Variants in TEX52 observed in about 807,000 individuals in gnomAD.
The protein encoded by TEX52 is testis expressed 52, also known as testis-expressed protein 52.
In TEX52, 22 loss-of-function variants were observed where a neutral mutation model predicts 17.6. The ratio of observed to expected loss-of-function variants is 1.25; its 90% CI spans 0.89 to 1.78. The LOEUF is 1.78. Ranked by LOEUF, TEX52 falls within the 40% of genes most tolerant of loss-of-function variation. The probability of loss-of-function intolerance (pLI) is 0.00; values close to 1 mark genes in which losing one functional copy is unlikely to be tolerated. For missense variants in TEX52, 396 were observed against 372.3 expected, an observed-to-expected ratio of 1.06 and a Z score of -0.52; for synonymous variants, 168 against 147.4, an observed-to-expected ratio of 1.14 and a Z score of -1.01.
In TEX52 at chr12:2,855,115, G is replaced by GT. The variant is rs2098083189; in HGVS notation, c.403dup (p.Thr135AsnfsTer54). On this transcript the variant is annotated frameshift_variant, in exon 2 of 3. Transcript: ENST00000637658. LOFTEE classifies it high-confidence loss of function. The stretch of plus-strand genomic sequence containing the variant: ...GGAGGGAGGGGGGATGGGGTGCTCC[G>GT]TGGGGGGGCATCTGTGGGCATTGGA... 6.5e-7 allele frequency: 1 copy of GT among 1,534,096 alleles called. No homozygotes were observed. Among genetic ancestry groups the GT allele is most frequent in the South Asian group, 1.2e-5 (1 of 83,940 alleles).
chr12:2,850,503 C>T (rs184028779), intron 2 of TEX52, among the ~76,000 whole-genome samples: 11 of 151,264 alleles, frequency 7.3e-5, no homozygotes, highest in Non-Finnish European at 1.6e-4. Flanking sequence ...AAATGGGGCC[C>T]CAGGTCATGA....
At chr12:2,856,378 T>C (rs2098087315) in intron 1 of TEX52, among the ~76,000 whole-genome samples, 1 of 152,204 alleles carries the variant, frequency 6.6e-6, no homozygotes, top group Admixed American at 6.5e-5. Context: ...ATGTTTTCTT[T>C]TTTTAGATGG....
At chr12:2,848,726 G>C (rs1006189200), downstream of TEX52, among the ~76,000 whole-genome samples, 8 of 152,144 alleles carry the variant, frequency 5.3e-5, no homozygotes, top group Admixed American at 2.0e-4. Context: ...GTCCAGGGAG[G>C]GGGTGGCATT....
chr12:2,853,708 T>C lies in TEX52; in HGVS notation c.623+1188A>G, dbSNP rs2098078579. Among the ~76,000 whole-genome samples the C allele has an allele frequency of 3.3e-5, 5 of 152,322 alleles. No individual in the cohort carries two copies. The South Asian group carries it at 1.0e-3, about 32-fold the overall frequency. ...TGGAATTTGAGACATTCCTTTTCATTGCCTTCCCCCTTTCTTGTTACTCTT... is the reference window on the plus strand; with the variant it reads ...TGGAATTTGAGACATTCCTTTTCATCGCCTTCCCCCTTTCTTGTTACTCTT... On this transcript the variant is annotated intron_variant, in intron 2 of 2. Coordinates refer to ENST00000637658, the MANE Select transcript of TEX52 (RefSeq NM_001365174.2).
chr12:2,852,810 C>T lies in TEX52; in HGVS notation c.623+2086G>A, dbSNP rs558273731. Among the ~76,000 whole-genome samples, 14 of 152,098 alleles carry T rather than the reference C, an allele frequency of 9.2e-5. No individual in the cohort carries two copies. The South Asian group carries it at 2.9e-3, about 32-fold the overall frequency. On this transcript the variant is annotated intron_variant, in intron 2 of 2. Transcript: ENST00000637658. ...GTCGGGAGTTCAAGACTAGCCTGGC[C>T]AACATGGAGAAACCCCGTCTCTACT...
intron 1 of TEX52, among the ~76,000 whole-genome samples, chr12:2,856,245 G>C (rs887892204): frequency 1.3e-5 from 2 of 152,306 alleles, no homozygotes; most frequent in South Asian, 2.1e-4. Context: ...TAAGCCCTCT[G>C]TCTGTGCTCT....
At position 2,849,212 on chromosome 12, in the gene TEX52, G is replaced by T. The variant is rs757688746; in HGVS notation, c.*19C>A. The stretch of plus-strand genomic sequence containing the variant: ...GCCTGGGGCTCTGGGTATCACGATC[G>T]TCCCCTCTGGAAGCCCTTCTAGAAG... On this transcript the variant is annotated 3_prime_UTR_variant, in exon 3 of 3. Transcript: ENST00000637658. 3.9e-6 allele frequency: 6 copies of T among 1,526,778 alleles called. No individual in the cohort carries two copies. In the East Asian group the frequency reaches 1.2e-4, roughly 31 times the overall value. 94.6% of individuals were successfully genotyped at this position (1,526,778 alleles called of 1,614,324 possible). A position where few individuals can be genotyped will look rare whatever the true frequency, so the allele number is the denominator to read the frequency against.
chr12:2,849,287 C>T lies in TEX52; in HGVS notation c.862G>A (p.Ala288Thr). The part of the protein sequence containing the change: ...TALPLHHLSK[A>T]QASKSPARKR... The stretch of plus-strand genomic sequence containing the variant: ...CTTGCTGGGGATTTGCTTGCTTGTG[C>T]CTTGGAGAGATGGTGGAGGGGTAAG... Residue 288 changes from alanine (A) to threonine (T), a missense_variant, in exon 3 of 3, where the codon GCA becomes ACA. Ala to Thr is a moderately conservative substitution (Grantham distance 58, BLOSUM62 0). Coordinates refer to ENST00000637658, the MANE Select transcript of TEX52 (RefSeq NM_001365174.2). 6.5e-7 allele frequency: 1 copy of T among 1,536,070 alleles called. No homozygotes were observed. Among genetic ancestry groups the T allele is most frequent in the Non-Finnish European group, 8.7e-7 (1 of 1,146,918 alleles).
intron 2 of TEX52, among the ~76,000 whole-genome samples, chr12:2,853,413 C>T (rs888789101): frequency 6.6e-6 from 1 of 152,120 alleles, no homozygotes; most frequent in African/African-American, 2.4e-5. Flanking sequence ...GCTGGGATTA[C>T]AGGCGCCTGC....
chr12:2,852,826 C>T (rs1362427377), intron 2 of TEX52, among the ~76,000 whole-genome samples: 3 of 151,870 alleles, frequency 2.0e-5, no homozygotes, highest in Admixed American at 6.6e-5. Flanking sequence ...GGAGAAACCC[C>T]GTCTCTACTA....
At position 2,854,840 on chromosome 12, in the gene TEX52, A is replaced by C. The variant is rs2098082133; in HGVS notation, c.623+56T>G. 3.4e-6 allele frequency: 5 copies of C among 1,460,398 alleles called. No individual in the cohort carries two copies. The South Asian group carries it at 6.8e-5, about 20-fold the overall frequency. The allele number at this position is 1,460,398 out of a possible 1,614,324, so 90.5% of individuals were successfully genotyped here. A position where few individuals can be genotyped will look rare whatever the true frequency, so the allele number is the denominator to read the frequency against. ...TTAGAAACAGGAACCTGAGAGAGGG[A>C]GGGGTCACCTGGGCAGGGCAGGCTG... On this transcript the variant is annotated intron_variant, in intron 2 of 2. Coordinates refer to ENST00000637658, the MANE Select transcript of TEX52 (RefSeq NM_001365174.2).
chr12:2,856,129 A>C (rs1359229699), intron 1 of TEX52, among the ~76,000 whole-genome samples: 1 of 152,120 alleles, frequency 6.6e-6, no homozygotes, highest in Non-Finnish European at 1.5e-5. Flanking sequence ...CCACAACTCT[A>C]TGAGCAAGTA....
rs376372246 is a variant in TEX52 at position 2,855,069 on chromosome 12, G to A, written c.450C>T (p.Phe150=). 1.0e-5 allele frequency: 16 copies of A among 1,536,060 alleles called. No individual in the cohort carries two copies. In the African/African-American group the frequency reaches 1.4e-4, roughly 13 times the overall value. ...TGGGATAACAGTGGATGAAGGTCAG[G>A]AAGCTGTTTTGCCCCATCCAGGAGG... The part of the protein sequence containing the change: ...PPPSWMGQNS[F]LTFIHCYPTF... The change falls in exon 2 of 3, where the codon TTC becomes TTT. Residue 150 remains phenylalanine, a synonymous_variant. Coordinates refer to ENST00000637658, the MANE Select transcript of TEX52 (RefSeq NM_001365174.2).
At position 2,849,268 on chromosome 12, in the gene TEX52, G is replaced by A; in HGVS notation, c.881C>T (p.Pro294Leu). 3 of 1,536,098 alleles carry A rather than the reference G, an allele frequency of 2.0e-6. No individual in the cohort carries two copies. Among genetic ancestry groups the A allele is most frequent in the Non-Finnish European group, 8.7e-7 (1 of 1,146,902 alleles). The stretch of plus-strand genomic sequence containing the variant: ...AGGTCTTCTCTTCCTCTTCCTTGCT[G>A]GGGATTTGCTTGCTTGTGCCTTGGA... ...HLSKAQASKS[P>L]ARKRKRRPGH... is the part of the protein sequence containing the mutation. The change falls in exon 3 of 3, where the codon CCA (proline) becomes CTA (leucine). Residue 294 changes from proline (P) to leucine (L), a missense_variant. Transcript: ENST00000637658.
intron 1 of TEX52, among the ~76,000 whole-genome samples, chr12:2,855,874 G>T (rs2098085698): frequency 6.6e-6 from 1 of 152,082 alleles, no homozygotes; most frequent in Admixed American, 6.6e-5. Context: ...CTTGCTCCTG[G>T]TCTTGGCGGT....
Position 2,856,962 on chromosome 12 carries a change from A to G in TEX52, c.65T>C (p.Phe22Ser). ...PSHPSHMEEP[F>S]LQMVQASESL... ...AGATGGGCCACCCCCTACCTGCAGG[A>G]AAGGTTCTTCCATATGAGATGGGTG... is the stretch of plus-strand genomic sequence containing the variant. Residue 22 changes from phenylalanine to serine, a missense_variant, in exon 1 of 3, where the codon TTC (phenylalanine) becomes TCC (serine). Physicochemically the swap from Phe to Ser is radical, Grantham distance 155. Coordinates refer to ENST00000637658, the MANE Select transcript of TEX52 (RefSeq NM_001365174.2). 1.4e-6 allele frequency: 1 copy of G among 703,040 alleles called. No homozygotes were observed. Among genetic ancestry groups the G allele is most frequent in the East Asian group, 2.7e-5 (1 of 37,288 alleles). The allele number at this position is 703,040 out of a possible 1,614,324, so 43.6% of individuals were successfully genotyped here.
chr12:2,853,007 A>G (rs2098075882), intron 2 of TEX52, among the ~76,000 whole-genome samples: 1 of 145,122 alleles, frequency 6.9e-6, no homozygotes, highest in African/African-American at 2.6e-5. Context: ...CTCAAAAAAA[A>G]AGAAACAACA....
intron 1 of TEX52, 149 bp from the exon 2 acceptor site, chr12:2,855,595 C>G: frequency 1.9e-6 from 1 of 525,550 alleles, no homozygotes; most frequent in Non-Finnish European, 3.2e-6. Flanking sequence ...GGCCGCATCT[C>G]CATCCCTCTC....
At chr12:2,847,802 A>G (rs7309633), downstream of TEX52, among the ~76,000 whole-genome samples, 4,900 of 152,256 alleles carry the variant, frequency 0.032, 241 homozygotes, top group African/African-American at 0.11. Context: ...AAATCATACA[A>G]TATGTGTGTG....
Sources: gnomAD v4.1 joint callset for allele counts (sites outside exome capture counted in the v4.1 genomes callset) on GRCh38, gnomAD v4.1.1 for gene constraint, MANE v1.5 for transcripts, NCBI Gene and HGNC (gene_info 2026-07-23, HGNC 2026-07-21) for gene names.